The following MYRIP variants were observed in gnomAD, a reference collection of about 807,000 sequenced individuals.
The protein encoded by MYRIP is rab effector MyRIP.
MYRIP carries 49 observed loss-of-function variants against 98.0 expected under a neutral mutation model. The ratio of observed to expected loss-of-function variants is 0.50; its 90% CI spans 0.40 to 0.63. The LOEUF (loss-of-function observed/expected upper bound fraction) is 0.63, where lower values mean the gene tolerates loss of function less well. MYRIP is among the 30% of genes least tolerant of loss of function. The probability of loss-of-function intolerance (pLI) is 0.00; values close to 1 mark genes in which losing one functional copy is unlikely to be tolerated. For missense variants in MYRIP, 1,004 were observed against 1,058.2 expected (o/e 0.95, Z 0.71); for synonymous variants, 404 against 409.5 (o/e 0.99, Z 0.16).
At chr3:40,026,058 G>A (rs755036933) in intron 2 of MYRIP, among the ~76,000 whole-genome samples, 2 of 152,190 alleles carry the variant, frequency 1.3e-5, no homozygotes, top group East Asian at 1.9e-4. Context: ...TAAACCTGAC[G>A]GTAATGCAGG....
intron 2 of MYRIP, among the ~76,000 whole-genome samples, chr3:39,986,470 C>G (rs1946035588): frequency 6.6e-6 from 1 of 151,550 alleles, no homozygotes; most frequent in African/African-American, 2.4e-5. Flanking sequence ...CTCTCTCTCT[C>G]TGTCTCTTTC....
At chr3:39,905,058 G>C (rs149036799) in intron 2 of MYRIP, among the ~76,000 whole-genome samples, 335 of 152,278 alleles carry the variant, frequency 2.2e-3, no homozygotes, top group African/African-American at 7.1e-3. Context: ...GAGGATGCTG[G>C]AAACAAAAGG....
In MYRIP at chr3:40,129,184, C is replaced by A. The variant is rs184666706; in HGVS notation, c.333-21864C>A. Among the ~76,000 whole-genome samples the A allele has an allele frequency of 7.2e-5, 11 of 151,770 alleles. No individual in the cohort carries two copies. The East Asian group carries it at 2.1e-3, about 29-fold the overall frequency. On this transcript the variant is annotated intron_variant, in intron 3 of 16. Transcript: ENST00000302541. ...GGGCACAGTGGCTCACTCCTGTAAT[C>A]CCAGCACTTTGGGAGGCTGAGGCAG...
intron 2 of MYRIP, among the ~76,000 whole-genome samples, chr3:39,933,043 C>A (rs561502735): frequency 1.3e-5 from 2 of 152,332 alleles, no homozygotes; most frequent in East Asian, 3.9e-4. Flanking sequence ...CTCTGACAAT[C>A]TAGATGAATT....
At chr3:40,102,113 C>G (rs1948956280) in intron 3 of MYRIP, among the ~76,000 whole-genome samples, 1 of 152,184 alleles carries the variant, frequency 6.6e-6, no homozygotes, top group African/African-American at 2.4e-5. Context: ...CAAGGCCAAG[C>G]CCAGCACTCA....
At chr3:39,911,341 C>T (rs138026131) in intron 2 of MYRIP, among the ~76,000 whole-genome samples, 49 of 152,300 alleles carry the variant, frequency 3.2e-4, no homozygotes, top group African/African-American at 7.5e-4. Flanking sequence ...TGTGGTCCTT[C>T]AAAGATGTAC....
At chr3:39,839,968 C>T (rs1941747175) in intron 1 of MYRIP, among the ~76,000 whole-genome samples, 1 of 152,116 alleles carries the variant, frequency 6.6e-6, no homozygotes, top group Admixed American at 6.5e-5. Context: ...GTGGAGAGTT[C>T]AGTAGATGTC....
chr3:39,881,100 C>T (rs984096851), intron 1 of MYRIP, among the ~76,000 whole-genome samples: 3 of 151,990 alleles, frequency 2.0e-5, no homozygotes, highest in African/African-American at 7.2e-5. Context: ...TGTTCACTAA[C>T]TATTTTTTTA....
At chr3:39,941,489 ATGTGTG>A (rs139399674) in intron 2 of MYRIP, among the ~76,000 whole-genome samples, 3 of 147,166 alleles carry the variant, frequency 2.0e-5, no homozygotes, top group Non-Finnish European at 3.0e-5. Context: ...TTAAAAATGT[ATGTGTG>A]TGTGTGTGTG....
intron 3 of MYRIP, among the ~76,000 whole-genome samples, chr3:40,044,576 T>C (rs373861503): frequency 7.9e-5 from 12 of 152,346 alleles, no homozygotes; most frequent in African/African-American, 2.9e-4. Context: ...ATCCTTTCGT[T>C]CGTTCATTGC....
At chr3:40,112,338 G>C (rs1949175796) in intron 3 of MYRIP, among the ~76,000 whole-genome samples, 1 of 152,074 alleles carries the variant, frequency 6.6e-6, no homozygotes, top group African/African-American at 2.4e-5. Context: ...GGACAAATAA[G>C]CACACACGTT....
chr3:40,199,088 T>G (rs747718508), intron 10 of MYRIP, among the ~76,000 whole-genome samples: 2 of 151,358 alleles, frequency 1.3e-5, no homozygotes, highest in African/African-American at 4.9e-5. Flanking sequence ...AAAAGGAGAG[T>G]GACATGAGCA....
Position 40,196,902 on chromosome 3 carries a change from T to C in MYRIP, c.1665+6439T>C, listed in dbSNP as rs74815439. 6.5e-3 allele frequency among the ~76,000 whole-genome samples: 983 copies of C among 152,342 alleles called. 8 individuals carry two copies. The highest frequency in any genetic ancestry group is 0.021 in the African/African-American group (878 of 41,576). On this transcript the variant is annotated intron_variant, in intron 10 of 16. Coordinates refer to ENST00000302541, the MANE Select transcript of MYRIP (RefSeq NM_015460.4). ...CAAAAGTACATCTGTCATCTCACTC[T>C]CTGCTAGATGCTTCACCTCATGGGC...
At chr3:39,859,822 T>A (rs184731911) in intron 1 of MYRIP, among the ~76,000 whole-genome samples, 51 of 152,242 alleles carry the variant, frequency 3.3e-4, no homozygotes, top group African/African-American at 1.2e-3. Flanking sequence ...CCTTCTGAGA[T>A]TAGAAAACTC....
chr3:40,175,650 T>C lies in MYRIP; in HGVS notation c.873+5557T>C, dbSNP rs560573015. Among the ~76,000 whole-genome samples the C allele has an allele frequency of 5.3e-5, 8 of 152,346 alleles. No individual in the cohort carries two copies. In the East Asian group the frequency reaches 1.2e-3, roughly 22 times the overall value. The stretch of plus-strand genomic sequence containing the variant: ...TGGTGCCCCCCAGGGGTGACACATA[T>C]GGTAGACAGGGTCAGCTTTCTCAAA... On this transcript the variant is annotated intron_variant, in intron 8 of 16. Coordinates refer to ENST00000302541, the MANE Select transcript of MYRIP (RefSeq NM_015460.4).
chr3:40,245,171 T>C (rs761184819), intron 13 of MYRIP, among the ~76,000 whole-genome samples: 5 of 152,246 alleles, frequency 3.3e-5, no homozygotes, highest in Non-Finnish European at 7.3e-5. Context: ...AGGATTTAGA[T>C]ACGGCTATTT....
intron 2 of MYRIP, among the ~76,000 whole-genome samples, chr3:39,938,983 A>G (rs1482578824): frequency 6.6e-6 from 1 of 152,098 alleles, no homozygotes; most frequent in African/African-American, 2.4e-5. Flanking sequence ...CTCATAGAAG[A>G]TGCTTCATTT....
intron 3 of MYRIP, among the ~76,000 whole-genome samples, chr3:40,066,631 T>G (rs550571118): frequency 3.9e-5 from 6 of 152,178 alleles, no homozygotes; most frequent in African/African-American, 1.2e-4. Context: ...CTGGTTGAAT[T>G]TTTTTTTATT....
intron 11 of MYRIP, among the ~76,000 whole-genome samples, chr3:40,229,948 AAAAG>A (rs1952602969): frequency 6.6e-6 from 1 of 152,212 alleles, no homozygotes; most frequent in African/African-American, 2.4e-5. Flanking sequence ...GCATTTTAAA[AAAAG>A]AGAATTTTGC....
Sources: allele counts gnomAD v4.1 joint callset (sites outside exome capture counted in the v4.1 genomes callset), GRCh38; gene constraint gnomAD v4.1.1; transcripts MANE v1.5; gene names NCBI Gene and HGNC (gene_info 2026-07-23, HGNC 2026-07-21).